Variants in RASGRF1 observed in about 807,000 individuals in gnomAD.
RASGRF1 encodes Ras protein specific guanine nucleotide releasing factor 1.
Under a neutral mutation model 138.7 loss-of-function variants are expected in RASGRF1, and 40 were observed. The observed-to-expected ratio is 0.29, with a 90% CI of 0.22 to 0.38. The LOEUF (loss-of-function observed/expected upper bound fraction) is 0.38, where lower values mean the gene tolerates loss of function less well. Ranked by LOEUF, RASGRF1 falls within the 10% of genes least tolerant of loss-of-function variation. The pLI is 1.00. For missense variants in RASGRF1, 1,108 were observed against 1,650.4 expected (o/e 0.67, Z 5.69); for synonymous variants, 614 against 663.2 (o/e 0.93, Z 1.14).
chr15:79,012,160 A>G (rs1399905285), intron 13 of RASGRF1, among the ~76,000 whole-genome samples: 7 of 152,194 alleles, frequency 4.6e-5, no homozygotes. Flanking sequence ...TGCCTGCATG[A>G]CATCACTCTC....
At chr15:78,991,562 C>G in intron 21 of RASGRF1, 129 bp downstream of exon 21, 1 of 695,878 alleles carries the variant, frequency 1.4e-6, no homozygotes, top group East Asian at 2.7e-5. Flanking sequence ...TCTGCTGACC[C>G]AGGCACTATT....
At chr15:79,075,216 A>G (rs567928267) in intron 1 of RASGRF1, among the ~76,000 whole-genome samples, 1 of 152,306 alleles carries the variant, frequency 6.6e-6, no homozygotes, top group Admixed American at 6.5e-5. Flanking sequence ...TTGATCCACA[A>G]ACTATACCTG....
chr15:79,053,442 A>G (rs1277699977), intron 3 of RASGRF1, among the ~76,000 whole-genome samples: 1 of 152,216 alleles, frequency 6.6e-6, no homozygotes, highest in Non-Finnish European at 1.5e-5. Flanking sequence ...AGCTCTCCAA[A>G]TTTACTTCCA....
chr15:78,999,988 C>T (rs562296475), intron 16 of RASGRF1, 75 bp from the exon 17 acceptor site: 28 of 1,514,292 alleles, frequency 1.8e-5, no homozygotes, highest in African/African-American at 1.2e-4. Context: ...CCAGGGGTCC[C>T]GAGGCTAGAG....
At chr15:78,986,558 G>A (rs939265218) in intron 22 of RASGRF1, among the ~76,000 whole-genome samples, 6 of 151,994 alleles carry the variant, frequency 3.9e-5, no homozygotes, top group East Asian at 1.9e-4. Context: ...TGTTGGCCAC[G>A]CTGGTCTCGA....
intron 26 of RASGRF1, among the ~76,000 whole-genome samples, chr15:78,970,825 CTT>C (rs35845555): frequency 1.5e-3 from 196 of 131,798 alleles, no homozygotes; most frequent in Middle Eastern, 3.8e-3. Flanking sequence ...CTAGCTGAGA[CTT>C]TTTTTTTTTT....
chr15:79,001,108 T>G (rs987350273), intron 16 of RASGRF1, among the ~76,000 whole-genome samples: 1 of 152,232 alleles, frequency 6.6e-6, no homozygotes, highest in Admixed American at 6.5e-5. Flanking sequence ...ATCAGGAGTC[T>G]GGGACTGCGG....
intron 22 of RASGRF1, among the ~76,000 whole-genome samples, chr15:78,987,893 A>C (rs28709904): frequency 0.018 from 2,780 of 152,220 alleles, 33 homozygotes; most frequent in Middle Eastern, 0.024. Context: ...CTTGCCTTAC[A>C]CCAGTACCCC....
At chr15:78,999,443 G>A (rs867016027) in intron 17 of RASGRF1, among the ~76,000 whole-genome samples, 1 of 152,166 alleles carries the variant, frequency 6.6e-6, no homozygotes, top group Non-Finnish European at 1.5e-5. Context: ...CAGGCCCTGG[G>A]TGTGTGCAGA....
At chr15:79,034,409 G>A (rs1384281714) in intron 6 of RASGRF1, among the ~76,000 whole-genome samples, 1 of 152,242 alleles carries the variant, frequency 6.6e-6, no homozygotes, top group Non-Finnish European at 1.5e-5. Flanking sequence ...CAATATGTAT[G>A]AAGCAAGAGC....
chr15:79,007,079 C>G (rs1335708970), intron 13 of RASGRF1, among the ~76,000 whole-genome samples: 1 of 152,196 alleles, frequency 6.6e-6, no homozygotes, highest in South Asian at 2.1e-4. Context: ...GTGGAAACTA[C>G]CCAGGTGTCC....
At chr15:79,017,714 G>T in intron 12 of RASGRF1, 56 bp downstream of exon 12, 1 of 1,533,242 alleles carries the variant, frequency 6.5e-7, no homozygotes, top group Middle Eastern at 2.0e-4. Context: ...CCAAATCCCT[G>T]ACCTGGTTAG....
chr15:78,993,996 G>GGGTC (rs1445989150), intron 20 of RASGRF1, among the ~76,000 whole-genome samples: 1 of 152,204 alleles, frequency 6.6e-6, no homozygotes, highest in Non-Finnish European at 1.5e-5. Flanking sequence ...CCCCACACAG[G>GGGTC]CTCTGGGGAC....
chr15:78,971,986 C>A, intron 25 of RASGRF1, 52 bp from the exon 26 acceptor site: 1 of 1,478,986 alleles, frequency 6.8e-7, no homozygotes, highest in Non-Finnish European at 9.5e-7. Flanking sequence ...CTAGTTCCAC[C>A]CCCAACTTTG....
intron 1 of RASGRF1, among the ~76,000 whole-genome samples, chr15:79,068,875 C>A (rs1047847515): frequency 3.9e-5 from 6 of 152,068 alleles, no homozygotes; most frequent in Non-Finnish European, 7.4e-5. Flanking sequence ...GTCAGCCTGG[C>A]AGGCTGAACC....
In RASGRF1 at chr15:79,018,630, G is replaced by A. The variant is rs559607287; in HGVS notation, c.1607-724C>T. Reference sequence around the variant, plus strand: ...TTCCTTCCCCCTCTGGGCTTCAGATGTCCTCCTGTGCAACAGGAGTGGGAC... The same window carrying A: ...TTCCTTCCCCCTCTGGGCTTCAGATATCCTCCTGTGCAACAGGAGTGGGAC... On this transcript the variant is annotated intron_variant, in intron 11 of 26. Coordinates refer to ENST00000558480, the MANE Select transcript of RASGRF1 (RefSeq NM_001145648.3). Among the ~76,000 whole-genome samples the A allele has an allele frequency of 1.5e-3, 222 of 152,306 alleles. 2 individuals carry two copies. Among genetic ancestry groups the A allele is most frequent in the Non-Finnish European group, 2.3e-3 (156 of 68,036 alleles).
chr15:79,029,239 A>G (rs921427637), intron 8 of RASGRF1, among the ~76,000 whole-genome samples: 3 of 152,096 alleles, frequency 2.0e-5, no homozygotes, highest in Non-Finnish European at 4.4e-5. Context: ...CTCTTCTTGG[A>G]AGCCCAGACC....
intron 13 of RASGRF1, among the ~76,000 whole-genome samples, chr15:79,014,002 T>A (rs1390389996): frequency 6.6e-6 from 1 of 152,226 alleles, no homozygotes; most frequent in African/African-American, 2.4e-5. Flanking sequence ...AACAACCTAA[T>A]ACAGAAATAA....
chr15:79,064,099 G>T (rs1011600173), intron 2 of RASGRF1, among the ~76,000 whole-genome samples: 3 of 152,176 alleles, frequency 2.0e-5, no homozygotes, highest in Non-Finnish European at 2.9e-5. Flanking sequence ...GGGTCAGAAT[G>T]TTGGAGGCCT....
Sources: allele counts gnomAD v4.1 joint callset (sites outside exome capture counted in the v4.1 genomes callset), GRCh38; gene constraint gnomAD v4.1.1; transcripts MANE v1.5; gene names NCBI Gene and HGNC (gene_info 2026-07-23, HGNC 2026-07-21).